The following FRMD4A variants were observed in gnomAD, a reference collection of about 807,000 sequenced individuals.
FRMD4A encodes the protein FERM domain containing 4A, also known as FERM domain-containing protein 4A.
Under a neutral mutation model 129.1 loss-of-function variants are expected in FRMD4A, and 29 were observed. The ratio of observed to expected loss-of-function variants is 0.22; its 90% CI spans 0.17 to 0.31. The LOEUF (loss-of-function observed/expected upper bound fraction) is 0.31, where lower values mean the gene tolerates loss of function less well. FRMD4A is among the 10% of genes least tolerant of loss of function. The pLI is 1.00. For synonymous variants in FRMD4A, 634 were observed against 571.6 expected (o/e 1.11, Z -1.56); for missense variants, 1,272 against 1,375.8 (o/e 0.92, Z 1.19).
At chr10:14,000,646 C>CAAAAAAAAAAAAAAAAAAAA (rs11377448) in intron 2 of FRMD4A, among the ~76,000 whole-genome samples, 2 of 43,470 alleles carry the variant, frequency 4.6e-5, no homozygotes, top group African/African-American at 8.3e-5. Context: ...GACGCCACCT[C>CAAAAAAAAAAAAAAAAAAAA]AAAAAAAAAA....
chr10:14,173,233 TTTAGAG>T (rs1423143081), intron 2 of FRMD4A, among the ~76,000 whole-genome samples: 3 of 152,200 alleles, frequency 2.0e-5, no homozygotes, highest in Non-Finnish European at 2.9e-5. Context: ...GATCTATCCA[TTTAGAG>T]TTATAGGTAA....
chr10:13,656,919 C>A lies in FRMD4A; in HGVS notation c.2670G>T (p.Glu890Asp). The part of the protein sequence containing the change: ...KESWRGGGGD[E>D]GDTGRLTPSR... ...ACGGCGTCAGGCGGCCCGTGTCGCC[C>A]TCGTCGCCGCCGCCGCCGCGCCAGC... The change falls in exon 22 of 25, where the codon GAG becomes GAT. Residue 890 changes from glutamate (E) to aspartate (D), a missense_variant. Around this residue, in one of 2 missense-constraint regions of FRMD4A, gnomAD observed 972 missense variants for 892.3 expected, o/e 1.09. Transcript: ENST00000357447. 1 of 1,494,894 alleles carries A rather than the reference C, an allele frequency of 6.7e-7. No individual in the cohort carries two copies. The highest frequency in any genetic ancestry group is 2.8e-5 in the East Asian group (1 of 35,622). 92.6% of individuals were successfully genotyped at this position (1,494,894 alleles called of 1,614,324 possible). A position where few individuals can be genotyped will look rare whatever the true frequency, so the allele number is the denominator to read the frequency against.
chr10:14,044,218 G>A (rs1260011868), intron 2 of FRMD4A, among the ~76,000 whole-genome samples: 2 of 152,012 alleles, frequency 1.3e-5, no homozygotes, highest in East Asian at 1.9e-4. Context: ...CTTTCCTGTC[G>A]CCCCTTTACT....
chr10:14,097,120 C>T (rs556589640), intron 2 of FRMD4A: 32 of 113,660 alleles, frequency 2.8e-4, no homozygotes, highest in African/African-American at 1.1e-3. Context: ...CCAGCCTGCA[C>T]GACACAGTGA....
chr10:13,715,838 G>A (rs937421532), intron 12 of FRMD4A, among the ~76,000 whole-genome samples: 7 of 151,382 alleles, frequency 4.6e-5, no homozygotes, highest in African/African-American at 1.7e-4. Context: ...TTCGGGAGGC[G>A]GAGGTTGCAG....
At chr10:14,109,372 T>A (rs1837757022) in intron 2 of FRMD4A, among the ~76,000 whole-genome samples, 1 of 152,150 alleles carries the variant, frequency 6.6e-6, no homozygotes, top group Non-Finnish European at 1.5e-5. Flanking sequence ...GGATGAAAGT[T>A]ACAAAGAAAG....
intron 2 of FRMD4A, among the ~76,000 whole-genome samples, chr10:14,068,850 T>A (rs185728048): frequency 6.6e-6 from 1 of 151,924 alleles, no homozygotes; most frequent in Non-Finnish European, 1.5e-5. Flanking sequence ...ATTTAGTGAG[T>A]TCATTCTCTC....
rs148760216 is a variant in FRMD4A at position 13,690,625 on chromosome 10, C to T, written c.1117+3273G>A. 1.6e-3 allele frequency among the ~76,000 whole-genome samples: 238 copies of T among 152,280 alleles called. 3 individuals are homozygous for T. The highest frequency in any genetic ancestry group is 5.6e-3 in the African/African-American group (232 of 41,574). The stretch of plus-strand genomic sequence containing the variant: ...GGCTGGTAAGAGTGGGACCTGCCCT[C>T]GGGTTGAGTCATGGGGCTTTCTCAC... On this transcript the variant is annotated intron_variant, in intron 15 of 24. Coordinates refer to ENST00000357447, the MANE Select transcript of FRMD4A (RefSeq NM_018027.5).
chr10:13,679,474 TACACACAC>T (rs59818032), intron 15 of FRMD4A, among the ~76,000 whole-genome samples: 10 of 31,488 alleles, frequency 3.2e-4, no homozygotes, highest in South Asian at 4.0e-3. Flanking sequence ...TATATATATA[TACACACAC>T]ACACACACAC....
chr10:14,175,864 T>C (rs76878054), intron 2 of FRMD4A, among the ~76,000 whole-genome samples: 4,288 of 152,264 alleles, frequency 0.028, 201 homozygotes, highest in African/African-American at 0.097. Context: ...GTCACCTTAG[T>C]TGCAGGCTGC....
chr10:13,966,099 A>C (rs1296646298), intron 2 of FRMD4A, among the ~76,000 whole-genome samples: 2 of 151,664 alleles, frequency 1.3e-5, no homozygotes, highest in African/African-American at 4.8e-5. Context: ...GACCTCTCGA[A>C]CTCCCGACCT....
intron 2 of FRMD4A, among the ~76,000 whole-genome samples, chr10:13,958,095 A>G (rs753144828): frequency 1.3e-5 from 2 of 151,980 alleles, no homozygotes; most frequent in South Asian, 4.2e-4. Flanking sequence ...ACTGCAGTAC[A>G]TTGCTAGTTA....
At chr10:13,765,432 TA>T (rs1360848762) in intron 6 of FRMD4A, among the ~76,000 whole-genome samples, 3 of 152,204 alleles carry the variant, frequency 2.0e-5, no homozygotes, top group Non-Finnish European at 4.4e-5. Context: ...ATGGATTTTG[TA>T]ATTATTTTTT....
chr10:14,093,929 C>T (rs528101279), intron 2 of FRMD4A, among the ~76,000 whole-genome samples: 89 of 152,316 alleles, frequency 5.8e-4, no homozygotes, highest in African/African-American at 2.1e-3. Flanking sequence ...GGGAAAGAAA[C>T]CATAGCTGGG....
In FRMD4A at chr10:14,015,572, G is replaced by C. The variant is rs990249487; in HGVS notation, c.46-156660C>G. Among the ~76,000 whole-genome samples the C allele has an allele frequency of 2.6e-5, 4 of 152,100 alleles. No homozygotes were observed. The East Asian group carries it at 7.7e-4, about 29-fold the overall frequency. On this transcript the variant is annotated intron_variant, in intron 2 of 24. Transcript: ENST00000357447. ...TCCTGCTTATCCTTGCTGTGGGAGA[G>C]GGTGTGGTGTTCTAGGATAAGTGGT...
intron 2 of FRMD4A, among the ~76,000 whole-genome samples, chr10:14,280,034 C>T (rs1043292426): frequency 3.3e-5 from 5 of 152,188 alleles, no homozygotes; most frequent in African/African-American, 9.7e-5. Flanking sequence ...TGCCATGTTA[C>T]AGGACGTGAT....
At chr10:13,925,774 A>G (rs551903928) in intron 2 of FRMD4A, among the ~76,000 whole-genome samples, 5 of 151,088 alleles carry the variant, frequency 3.3e-5, no homozygotes, top group African/African-American at 4.9e-5. Flanking sequence ...TAGTAGAGAC[A>G]GGGTTTCACC....
intron 2 of FRMD4A, among the ~76,000 whole-genome samples, chr10:14,181,800 C>A (rs1841923973): frequency 6.6e-6 from 1 of 152,158 alleles, no homozygotes; most frequent in Non-Finnish European, 1.5e-5. Flanking sequence ...AAGCAATCCT[C>A]CTGCCTCAGC....
intron 2 of FRMD4A, among the ~76,000 whole-genome samples, chr10:14,315,894 C>G (rs1434641510): frequency 6.6e-6 from 1 of 152,216 alleles, no homozygotes; most frequent in African/African-American, 2.4e-5. Context: ...AGACACTGAG[C>G]TAGGAGCTAA....
Sources: allele counts gnomAD v4.1 joint callset (sites outside exome capture counted in the v4.1 genomes callset), GRCh38; gene constraint gnomAD v4.1.1; regional missense constraint gnomAD v4.1.1; transcripts MANE v1.5; gene names NCBI Gene and HGNC (gene_info 2026-07-23, HGNC 2026-07-21).